The following ASIC2 variants were observed in gnomAD, a reference collection of about 807,000 sequenced individuals.
ASIC2 encodes the protein acid sensing ion channel subunit 2.
In ASIC2, 25 loss-of-function variants were observed where a neutral mutation model predicts 57.3. That is an observed-to-expected ratio of 0.44 (90% CI 0.32 to 0.61). The LOEUF (loss-of-function observed/expected upper bound fraction) is 0.61. Ranked by LOEUF, ASIC2 falls within the 20% of genes least tolerant of loss-of-function variation. The probability of loss-of-function intolerance (pLI) is 0.06; values close to 1 mark genes in which losing one functional copy is unlikely to be tolerated. For synonymous variants in ASIC2, 319 were observed against 307.5 expected (o/e 1.04, Z -0.39); for missense variants, 641 against 738.1 (o/e 0.87, Z 1.52).
intron 1 of ASIC2, chr17:33,935,453 T>C (rs1916037867): frequency 6.6e-6 from 1 of 152,148 alleles, no homozygotes; most frequent in African/African-American, 2.4e-5. Context: ...TAATAAACAA[T>C]GCTATTATTT....
chr17:33,882,927 C>A (rs1224667505), intron 1 of ASIC2, among the ~76,000 whole-genome samples: 3 of 152,092 alleles, frequency 2.0e-5, no homozygotes, highest in Non-Finnish European at 4.4e-5. Context: ...TACTATGCAG[C>A]CATGAAAAAT....
intron 1 of ASIC2, among the ~76,000 whole-genome samples, chr17:33,385,469 T>A (rs71377483): frequency 6.6e-6 from 1 of 152,218 alleles, no homozygotes. Context: ...CTGACTCAGA[T>A]TTTTCTTATT....
chr17:33,465,048 G>A lies in ASIC2; in HGVS notation c.556-352981C>T, dbSNP rs61011951. Reference sequence around the variant, plus strand: ...CATAAGACACCAGGATAAAAGGCAGGAAATTGCTCTATTCTTTATGCAGAG... The same window carrying A: ...CATAAGACACCAGGATAAAAGGCAGAAAATTGCTCTATTCTTTATGCAGAG... On this transcript the variant is annotated intron_variant, in intron 1 of 9. Transcript: ENST00000359872. Among the ~76,000 whole-genome samples, 555 of 152,270 alleles carry A rather than the reference G, an allele frequency of 3.6e-3. 6 individuals carry two copies. Among genetic ancestry groups the A allele is most frequent in the African/African-American group, 0.012 (519 of 41,552 alleles).
At chr17:33,656,369 C>T (rs539655634) in intron 1 of ASIC2, among the ~76,000 whole-genome samples, 2 of 152,286 alleles carry the variant, frequency 1.3e-5, no homozygotes, top group East Asian at 1.9e-4. Context: ...TCAATTCTTA[C>T]ATTAAAGCAT....
intron 1 of ASIC2, among the ~76,000 whole-genome samples, chr17:33,246,241 G>C (rs575574959): frequency 6.6e-6 from 1 of 152,130 alleles, no homozygotes; most frequent in Non-Finnish European, 1.5e-5. Flanking sequence ...GGGGAAGGGA[G>C]AGGGAGAAAT....
chr17:33,762,821 AG>A (rs1325741855), intron 1 of ASIC2, among the ~76,000 whole-genome samples: 2 of 152,192 alleles, frequency 1.3e-5, no homozygotes, highest in East Asian at 3.9e-4. Context: ...GGAGAGAAAA[AG>A]GTTGCAGATG....
chr17:33,998,396 T>C (rs1262428590), intron 1 of ASIC2, among the ~76,000 whole-genome samples: 1 of 152,158 alleles, frequency 6.6e-6, no homozygotes, highest in East Asian at 1.9e-4. Context: ...TTTTTATTAT[T>C]TTCTTCTTTC....
intron 1 of ASIC2, among the ~76,000 whole-genome samples, chr17:33,260,939 A>C (rs1469449803): frequency 6.6e-6 from 1 of 152,130 alleles, no homozygotes; most frequent in Non-Finnish European, 1.5e-5. Flanking sequence ...TTCGATAGGA[A>C]CCACCTCTTC....
At chr17:33,126,787 C>G (rs1001241680) in intron 1 of ASIC2, among the ~76,000 whole-genome samples, 5 of 148,372 alleles carry the variant, frequency 3.4e-5, no homozygotes, top group Non-Finnish European at 7.4e-5. Flanking sequence ...TGCTGCAAAT[C>G]TTTTCCAGAA....
chr17:33,438,263 T>C (rs1354489), intron 1 of ASIC2, among the ~76,000 whole-genome samples: 58,814 of 152,078 alleles, frequency 0.39, 11,772 homozygotes, highest in Non-Finnish European at 0.42. Context: ...GAGGATAAGG[T>C]AAGCATTTGT....
intron 1 of ASIC2, among the ~76,000 whole-genome samples, chr17:33,953,497 T>A (rs1904641944): frequency 6.6e-6 from 1 of 152,176 alleles, no homozygotes; most frequent in African/African-American, 2.4e-5. Context: ...AATATACATA[T>A]CACAATAGAC....
intron 1 of ASIC2, among the ~76,000 whole-genome samples, chr17:33,424,402 G>C (rs915873653): frequency 6.6e-6 from 1 of 152,198 alleles, no homozygotes; most frequent in Non-Finnish European, 1.5e-5. Context: ...AATATGAAGG[G>C]CAGAAGTTCA....
At chr17:33,885,260 T>A (rs1213355258) in intron 1 of ASIC2, among the ~76,000 whole-genome samples, 1 of 152,202 alleles carries the variant, frequency 6.6e-6, no homozygotes, top group African/African-American at 2.4e-5. Context: ...TCTGCTACAC[T>A]CAAAGTCTAT....
chr17:33,815,859 G>T (rs768575570), intron 1 of ASIC2, among the ~76,000 whole-genome samples: 15 of 152,200 alleles, frequency 9.9e-5, no homozygotes, highest in South Asian at 2.1e-4. Flanking sequence ...AAGTGATACC[G>T]GTTATTTTTG....
intron 1 of ASIC2, among the ~76,000 whole-genome samples, chr17:33,925,880 C>A (rs1915811622): frequency 6.6e-6 from 1 of 152,144 alleles, no homozygotes; most frequent in South Asian, 2.1e-4. Flanking sequence ...ACTTCTTTGG[C>A]CAGTGGAAGA....
chr17:33,017,759 C>T (rs2091814632), intron 7 of ASIC2, 75 bp from the exon 8 acceptor site: 11 of 1,391,396 alleles, frequency 7.9e-6, no homozygotes, highest in Admixed American at 3.6e-5. Flanking sequence ...TGAGATGCAA[C>T]CCAGACCTTC....
intron 1 of ASIC2, among the ~76,000 whole-genome samples, chr17:33,340,906 A>G (rs1318196779): frequency 6.6e-6 from 1 of 152,138 alleles, no homozygotes; most frequent in Non-Finnish European, 1.5e-5. Flanking sequence ...ATGACCCTGT[A>G]CTTGCATGAG....
chr17:33,190,099 C>A (rs1906354424), intron 1 of ASIC2, among the ~76,000 whole-genome samples: 1 of 152,004 alleles, frequency 6.6e-6, no homozygotes, highest in Non-Finnish European at 1.5e-5. Context: ...GTAAAACTGA[C>A]TTTTTTCACA....
chr17:33,089,895 T>C (rs1172036054), intron 2 of ASIC2, among the ~76,000 whole-genome samples: 1 of 152,200 alleles, frequency 6.6e-6, no homozygotes, highest in Non-Finnish European at 1.5e-5. Context: ...CCTAAATGTT[T>C]AGTGCTCACA....
Sources: allele counts gnomAD v4.1 joint callset (sites outside exome capture counted in the v4.1 genomes callset), GRCh38; gene constraint gnomAD v4.1.1; transcripts MANE v1.5; gene names NCBI Gene and HGNC (gene_info 2026-07-23, HGNC 2026-07-21).